Variants in SMIM36 observed in about 807,000 individuals in gnomAD.
SMIM36 encodes the protein small integral membrane protein 36.
At chr17:55,501,118 C>CTT (rs1909934242) in intron 1 of SMIM36, among the ~76,000 whole-genome samples, 2 of 196 alleles carry the variant, frequency 0.01, 1 homozygote, top group African/African-American at 0.056. Context: ...TAATATATAT[C>CTT]ATATTTTATA....
At chr17:55,485,695 A>G (rs1480402839) in intron 1 of SMIM36, among the ~76,000 whole-genome samples, 1 of 152,238 alleles carries the variant, frequency 6.6e-6, no homozygotes, top group Non-Finnish European at 1.5e-5. Flanking sequence ...TCTAATATAC[A>G]TTGTGCTTGC....
At chr17:55,530,325 T>A in the SMIM36 span, among the ~76,000 whole-genome samples, 1 of 152,208 alleles carries the variant, frequency 6.6e-6, no homozygotes, top group Non-Finnish European at 1.5e-5. Flanking sequence ...GAACTCAGAA[T>A]GATGTGGACT....
chr17:55,474,530 C>A (rs1598450660), intron 3 of SMIM36, among the ~76,000 whole-genome samples: 2 of 112,880 alleles, frequency 1.8e-5, no homozygotes, highest in African/African-American at 7.2e-5. Flanking sequence ...TTGCCTACTC[C>A]ATTTGAGTGG....
intron 1 of SMIM36, among the ~76,000 whole-genome samples, chr17:55,492,761 T>C (rs1446854342): frequency 6.6e-6 from 1 of 152,164 alleles, no homozygotes; most frequent in Admixed American, 6.6e-5. Context: ...CTACTAAAAA[T>C]TAAGGATGGT....
chr17:55,471,926 C>A (rs1162395460), intron 3 of SMIM36, among the ~76,000 whole-genome samples: 1 of 152,168 alleles, frequency 6.6e-6, no homozygotes, highest in Non-Finnish European at 1.5e-5. Context: ...GCTCCACTTA[C>A]CCTCTATAGT....
At chr17:55,470,385 G>A (rs1909323186) in intron 3 of SMIM36, among the ~76,000 whole-genome samples, 1 of 152,146 alleles carries the variant, frequency 6.6e-6, no homozygotes, top group South Asian at 2.1e-4. Context: ...CTTACAGTGG[G>A]AGGGTAAGTC....
At chr17:55,501,742 G>C (rs1242331889) in intron 1 of SMIM36, among the ~76,000 whole-genome samples, 1 of 151,270 alleles carries the variant, frequency 6.6e-6, no homozygotes, top group African/African-American at 2.4e-5. Flanking sequence ...TGGCCGAATA[G>C]GAACAGCTCC....
At chr17:55,504,166 C>T (rs1331728656) in intron 1 of SMIM36, among the ~76,000 whole-genome samples, 53 of 113,568 alleles carry the variant, frequency 4.7e-4, no homozygotes, top group African/African-American at 9.5e-4. Flanking sequence ...GACAGATCAA[C>T]GAGACAGAAA....
intron 1 of SMIM36, among the ~76,000 whole-genome samples, chr17:55,494,622 G>A (rs751131935): frequency 6.6e-5 from 10 of 151,930 alleles, no homozygotes; most frequent in Non-Finnish European, 1.0e-4. Flanking sequence ...AAGAATATGC[G>A]TATGTGTATA....
chr17:55,499,580 C>G (rs1909872425), intron 1 of SMIM36, among the ~76,000 whole-genome samples: 1 of 152,148 alleles, frequency 6.6e-6, no homozygotes. Flanking sequence ...TTATCTCCCT[C>G]CCTTTCCTTG....
chr17:55,498,237 C>A (rs7213282), intron 1 of SMIM36, among the ~76,000 whole-genome samples: 6 of 151,964 alleles, frequency 3.9e-5, no homozygotes, highest in Non-Finnish European at 8.8e-5. Context: ...ACTAATTATA[C>A]CGGTAATGAC....
upstream of SMIM36, among the ~76,000 whole-genome samples, chr17:55,512,740 G>A (rs534478042): frequency 2.0e-5 from 3 of 152,332 alleles, no homozygotes; most frequent in African/African-American, 7.2e-5. Context: ...CACAAATTAC[G>A]TATCTGGTCT....
chr17:55,490,911 G>T (rs113501382), intron 1 of SMIM36, among the ~76,000 whole-genome samples: 11,319 of 149,640 alleles, frequency 0.076, 476 homozygotes, highest in South Asian at 0.14. Flanking sequence ...ACACTTTGCT[G>T]TATTTTCTCA....
chr17:55,473,190 T>A (rs560056538), intron 3 of SMIM36, among the ~76,000 whole-genome samples: 1 of 152,200 alleles, frequency 6.6e-6, no homozygotes, highest in South Asian at 2.1e-4. Context: ...GCCCCTCATC[T>A]CCTTCCCTTC....
Position 55,474,581 on chromosome 17 carries a change from T to C in SMIM36, c.*347+4181A>G, listed in dbSNP as rs139805757. Reference sequence around the variant, plus strand: ...ACCCACGGCATGCCCGTATCGGCACTTTGGTTTTTGTTTTTGACTTGACTT... The same window carrying C: ...ACCCACGGCATGCCCGTATCGGCACCTTGGTTTTTGTTTTTGACTTGACTT... On this transcript the variant is annotated intron_variant, in intron 3 of 4. Transcript: ENST00000636752. Among the ~76,000 whole-genome samples, 1,403 of 152,324 alleles carry C rather than the reference T, an allele frequency of 9.2e-3. 20 individuals carry two copies. The highest frequency in any genetic ancestry group is 0.032 in the African/African-American group (1,336 of 41,568).
chr17:55,479,220 T>C (rs935372404), intron 2 of SMIM36, among the ~76,000 whole-genome samples: 1 of 152,230 alleles, frequency 6.6e-6, no homozygotes, highest in Non-Finnish European at 1.5e-5. Context: ...GAATGGAATG[T>C]ATCCTCCATA....
intron 1 of SMIM36, among the ~76,000 whole-genome samples, chr17:55,491,641 A>C (rs1415174994): frequency 6.6e-6 from 1 of 152,216 alleles, no homozygotes; most frequent in East Asian, 1.9e-4. Context: ...CTCTCAGCTA[A>C]CTAAATGGGC....
At chr17:55,488,629 T>G (rs928450418) in intron 1 of SMIM36, among the ~76,000 whole-genome samples, 3 of 152,242 alleles carry the variant, frequency 2.0e-5, no homozygotes, top group Non-Finnish European at 4.4e-5. Context: ...GAGGACATAC[T>G]ATTCCATTGT....
chr17:55,500,846 T>A (rs1220151098), intron 1 of SMIM36, among the ~76,000 whole-genome samples: 1 of 16,432 alleles, frequency 6.1e-5, no homozygotes, highest in African/African-American at 4.8e-4. Context: ...TTATAATATA[T>A]TATATTATAA....
Sources: gnomAD v4.1 joint callset for allele counts (sites outside exome capture counted in the v4.1 genomes callset) on GRCh38, gnomAD v4.1.1 for gene constraint, MANE v1.5 for transcripts, NCBI Gene and HGNC (gene_info 2026-07-23, HGNC 2026-07-21) for gene names.